ZNF333: variants seen among roughly 807,000 people sequenced by gnomAD.
The protein encoded by ZNF333 is zinc finger protein 333.
A neutral mutation model predicts 76.1 loss-of-function variants in ZNF333; 61 were observed. The ratio of observed to expected loss-of-function variants is 0.80; its 90% CI spans 0.65 to 0.99. ZNF333 has a LOEUF of 0.99. ZNF333 is among the 50% of genes least tolerant of loss of function. ZNF333 has a pLI of 0.00. For missense variants in ZNF333, 717 were observed against 822.4 expected, an observed-to-expected ratio of 0.87 and a Z score of 1.57; for synonymous variants, 284 against 305.0, an observed-to-expected ratio of 0.93 and a Z score of 0.72.
At chr19:14,689,835 CCT>C (rs965790504), upstream of ZNF333, 3 of 152,336 alleles carry the variant, frequency 2.0e-5, no homozygotes, top group Non-Finnish European at 4.4e-5. Context: ...CACCCCTATC[CCT>C]GTCTCTCGGA....
intron 5 of ZNF333, among the ~76,000 whole-genome samples, chr19:14,703,222 A>ACT (rs1223190341): frequency 6.7e-6 from 1 of 150,346 alleles, no homozygotes; most frequent in Non-Finnish European, 1.5e-5. Context: ...AAAAAAAAAA[A>ACT]CCATCAGATC....
downstream of ZNF333, among the ~76,000 whole-genome samples, chr19:14,723,878 G>A (rs564343927): frequency 2.0e-4 from 30 of 152,312 alleles, no homozygotes; most frequent in Middle Eastern, 3.4e-3. Flanking sequence ...TCCATGGGAT[G>A]GAGATGAAAT....
Position 14,712,241 on chromosome 19 carries a change from A to G in ZNF333, c.512-3141A>G, listed in dbSNP as rs749665179. 1.3e-4 allele frequency among the ~76,000 whole-genome samples: 19 copies of G among 150,920 alleles called. 1 individual carries two copies. The highest frequency in any genetic ancestry group is 1.8e-4 in the Non-Finnish European group (12 of 67,758). On this transcript the variant is annotated intron_variant, in intron 7 of 11. Coordinates refer to ENST00000292530, the MANE Select transcript of ZNF333 (RefSeq NM_032433.4). ...GTGATGAGTGTTTTTTTTTTTTAAGACATAGTCTTGCTCCGTTGCCCAGGC... is the reference window on the plus strand; with the variant it reads ...GTGATGAGTGTTTTTTTTTTTTAAGGCATAGTCTTGCTCCGTTGCCCAGGC...
Position 14,720,908 on chromosome 19 carries a change from T to C in ZNF333, c.*1583T>C. The C allele has an allele frequency of 1.1e-6, 1 of 880,738 alleles. No individual in the cohort carries two copies. Among genetic ancestry groups the C allele is most frequent in the Non-Finnish European group, 1.4e-6 (1 of 735,052 alleles). The allele number at this position is 880,738 out of a possible 1,614,324, so 54.6% of individuals were successfully genotyped here. On this transcript the variant is annotated 3_prime_UTR_variant, in exon 12 of 12. Coordinates refer to ENST00000292530, the MANE Select transcript of ZNF333 (RefSeq NM_032433.4). ...ATTTATGTATATACATACATATATATGTTTTGAAGCAATGAAATTAAATAT... is the reference window on the plus strand; with the variant it reads ...ATTTATGTATATACATACATATATACGTTTTGAAGCAATGAAATTAAATAT...
In ZNF333 at chr19:14,720,121, G is replaced by T. The variant is rs754645975; in HGVS notation, c.*796G>T. The T allele has an allele frequency of 7.3e-5, 64 of 874,714 alleles. No individual in the cohort carries two copies. Among genetic ancestry groups the T allele is most frequent in the Non-Finnish European group, 8.4e-5 (61 of 729,186 alleles). The allele number at this position is 874,714 out of a possible 1,614,324, so 54.2% of individuals were successfully genotyped here. ...GAATTCTTTGAACCCAGGAGGCAGA[G>T]GTTGCAGTGAGCCGAGATTGCGCCA... On this transcript the variant is annotated 3_prime_UTR_variant, in exon 12 of 12. Transcript: ENST00000292530.
At chr19:14,689,826 A>AC (rs1179013042), upstream of ZNF333, 3 of 74,876 alleles carry the variant, frequency 4.0e-5, no homozygotes, top group Non-Finnish European at 8.1e-5. Context: ...CCTAAGCCCC[A>AC]CCCCTATCCC....
rs2042422577 is a variant in ZNF333, at chr19:14,716,101, G to A, written c.601-11G>A. On this transcript the variant is annotated splice_polypyrimidine_tract_variant and intron_variant, in intron 8 of 11. Transcript: ENST00000292530. ...GGTCCCTGGCTGAGCCGGGATGGAT[G>A]TGTGTTTTAGGAACCAGTCACCTTT... 4 of 1,613,892 alleles carry A rather than the reference G, an allele frequency of 2.5e-6. 1 individual carries two copies. Among genetic ancestry groups the A allele is most frequent in the African/African-American group, 2.7e-5 (2 of 74,906 alleles).
At position 14,720,604 on chromosome 19, in the gene ZNF333, T is replaced by A. The variant is rs1349071097; in HGVS notation, c.*1279T>A. The A allele has an allele frequency of 2.0e-6, 2 of 983,180 alleles. No individual in the cohort carries two copies. The allele number at this position is 983,180 out of a possible 1,614,324, so 60.9% of individuals were successfully genotyped here. A position where few individuals can be genotyped will look rare whatever the true frequency, so the allele number is the denominator to read the frequency against. On this transcript the variant is annotated 3_prime_UTR_variant, in exon 12 of 12. Transcript: ENST00000292530. ...ACTTCTTACTGGTACAGTTTTCTTT[T>A]GTTTGTTTTTGTTTTTGGTGGGAGG...
In ZNF333 at chr19:14,717,681, C is replaced by A; in HGVS notation, c.848C>A (p.Ala283Glu). ...GAACCTCAGTGTCAACCCCAAGAGGCAATTCCTAGCCAAGATACTTTTACA... is the reference window on the plus strand; with the variant it reads ...GAACCTCAGTGTCAACCCCAAGAGGAAATTCCTAGCCAAGATACTTTTACA... ...CAEPQCQPQE[A>E]IPSQDTFTEI... Residue 283 changes from alanine to glutamate, a missense_variant, in exon 11 of 12, where the codon GCA (alanine) becomes GAA (glutamate). By Grantham distance (107) the Ala-to-Glu change is moderately radical. Transcript: ENST00000292530. 1.1e-5 allele frequency: 17 copies of A among 1,614,076 alleles called. No individual in the cohort carries two copies. The highest frequency in any genetic ancestry group is 1.4e-5 in the Non-Finnish European group (17 of 1,179,984).
Position 14,720,811 on chromosome 19 carries a change from G to C in ZNF333, c.*1486G>C. 1 of 983,422 alleles carries C rather than the reference G, an allele frequency of 1.0e-6. No homozygotes were observed. The highest frequency in any genetic ancestry group is 1.2e-6 in the Non-Finnish European group (1 of 828,200). The allele number at this position is 983,422 out of a possible 1,614,324, so 60.9% of individuals were successfully genotyped here. On this transcript the variant is annotated 3_prime_UTR_variant, in exon 12 of 12. Transcript: ENST00000292530. ...TGATCTGTGATCTAGCATTTATTGAGAGAGGTATGTTAAACTCTCCCACCA... is the reference window on the plus strand; with the variant it reads ...TGATCTGTGATCTAGCATTTATTGACAGAGGTATGTTAAACTCTCCCACCA...
chr19:14,731,466 T>G, exon 12 of ZNF333: 1 of 467,344 alleles, frequency 2.1e-6, no homozygotes, highest in Non-Finnish European at 3.8e-6. Flanking sequence ...TCCCCAGCCG[T>G]GCAATGACTG....
chr19:14,718,291 A>G lies in ZNF333; in HGVS notation c.964A>G (p.Ile322Val). Residue 322 changes from isoleucine (I) to valine (V), a missense_variant, in exon 12 of 12, where the codon ATT becomes GTT. Coordinates refer to ENST00000292530, the MANE Select transcript of ZNF333 (RefSeq NM_032433.4). ...YNELEKPFNS[I>V]EPLFQYQRIH... ...TGAACTTGAGAAACCTTTTAACAGC[A>G]TTGAACCACTTTTCCAGTACCAGAG... 6.2e-7 allele frequency: 1 copy of G among 1,614,242 alleles called. No individual in the cohort carries two copies. Among genetic ancestry groups the G allele is most frequent in the Non-Finnish European group, 8.5e-7 (1 of 1,180,038 alleles).
Position 14,721,103 on chromosome 19 carries a change from T to A in ZNF333, c.*1778T>A. On this transcript the variant is annotated 3_prime_UTR_variant, in exon 12 of 12. Coordinates refer to ENST00000292530, the MANE Select transcript of ZNF333 (RefSeq NM_032433.4). ...CCACTGCCTGAAGCTTTGCATCTTT[T>A]AATTTAGTCCTCACACTGACACTTT... The A allele has an allele frequency of 2.2e-6, 1 of 448,148 alleles. No homozygotes were observed. Among genetic ancestry groups the A allele is most frequent in the Non-Finnish European group, 2.9e-6 (1 of 339,584 alleles). The allele number at this position is 448,148 out of a possible 1,614,324, so 27.8% of individuals were successfully genotyped here.
downstream of ZNF333, among the ~76,000 whole-genome samples, chr19:14,724,788 A>G (rs1176621726): frequency 1.3e-5 from 2 of 152,170 alleles, no homozygotes; most frequent in African/African-American, 4.8e-5. Context: ...CTTTGTTTAA[A>G]AATTTGGCTA....
intron 4 of ZNF333, among the ~76,000 whole-genome samples, chr19:14,695,868 T>G (rs1026814581): frequency 2.0e-5 from 3 of 152,202 alleles, no homozygotes; most frequent in Non-Finnish European, 4.4e-5. Flanking sequence ...AGAAAAAGAT[T>G]TGTTCTAATT....
At chr19:14,690,911 G>C (rs1972718922) in intron 1 of ZNF333, among the ~76,000 whole-genome samples, 1 of 152,128 alleles carries the variant, frequency 6.6e-6, no homozygotes, top group African/African-American at 2.4e-5. Context: ...TGGCCAACAT[G>C]GTGAAACCCT....
At chr19:14,715,856 A>G (rs1007761018) in intron 8 of ZNF333, among the ~76,000 whole-genome samples, 1 of 152,192 alleles carries the variant, frequency 6.6e-6, no homozygotes, top group African/African-American at 2.4e-5. Context: ...TTGTCAATAG[A>G]TAAGTCCTGT....
At chr19:14,705,989 G>C (rs1038806726) in intron 6 of ZNF333, 16 of 424,324 alleles carry the variant, frequency 3.8e-5, no homozygotes, top group Non-Finnish European at 7.6e-5. Flanking sequence ...ACTCGTCCCT[G>C]CCCTGTTCCC....
At chr19:14,695,451 C>A (rs1001389988) in intron 3 of ZNF333, 115 bp from the exon 4 acceptor site, 1 of 1,047,396 alleles carries the variant, frequency 9.5e-7, no homozygotes, top group Non-Finnish European at 1.4e-6. Context: ...TTGCTCAGCC[C>A]AGAGAATCTG....
Sources: allele counts gnomAD v4.1 joint callset (sites outside exome capture counted in the v4.1 genomes callset), GRCh38; gene constraint gnomAD v4.1.1; transcripts MANE v1.5; gene names NCBI Gene and HGNC (gene_info 2026-07-23, HGNC 2026-07-21).